Variants in GRK4 observed in about 807,000 individuals in gnomAD.
The protein encoded by GRK4 is G protein-coupled receptor kinase 2-like.
A neutral mutation model predicts 77.9 loss-of-function variants in GRK4; 73 were observed. The ratio of observed to expected loss-of-function variants is 0.94; its 90% CI spans 0.78 to 1.14. The LOEUF is 1.14. Among genes scored for constraint, GRK4 ranks in the 50% most tolerant of loss-of-function variants. GRK4 has a pLI of 0.00. For missense variants in GRK4, 729 were observed against 700.2 expected, an observed-to-expected ratio of 1.04 and a Z score of -0.46; for synonymous variants, 257 against 254.4, an observed-to-expected ratio of 1.01 and a Z score of -0.10.
At chr4:2,972,616 T>C (rs554457260) in intron 1 of GRK4, among the ~76,000 whole-genome samples, 72 of 152,068 alleles carry the variant, frequency 4.7e-4, no homozygotes, top group Non-Finnish European at 7.4e-4. Flanking sequence ...GTAGCTGCAG[T>C]GTGCAGTGTG....
intron 8 of GRK4, among the ~76,000 whole-genome samples, chr4:3,018,984 T>G (rs1735310006): frequency 1.3e-5 from 2 of 152,132 alleles, no homozygotes; most frequent in African/African-American, 4.8e-5. Context: ...GATCTGTAGA[T>G]TAAATGAATT....
intron 4 of GRK4, among the ~76,000 whole-genome samples, chr4:3,000,804 G>A (rs1382634718): frequency 6.6e-6 from 1 of 151,790 alleles, no homozygotes; most frequent in Non-Finnish European, 1.5e-5. Context: ...TCTTGACCTC[G>A]TGATCTGCCC....
intron 7 of GRK4, among the ~76,000 whole-genome samples, chr4:3,012,636 G>A (rs1443044207): frequency 1.3e-5 from 2 of 152,178 alleles, no homozygotes; most frequent in African/African-American, 4.8e-5. Flanking sequence ...AGAAACAGCA[G>A]CCTAATGTTG....
intron 12 of GRK4, among the ~76,000 whole-genome samples, chr4:3,031,280 T>C (rs1256901899): frequency 6.6e-6 from 1 of 152,126 alleles, no homozygotes; most frequent in East Asian, 1.9e-4. Flanking sequence ...GGAGCTTCTT[T>C]TTCTCAGATG....
In GRK4 at chr4:3,040,626, G is replaced by C. The variant is rs368696347; in HGVS notation, c.*1G>C. On this transcript the variant is annotated 3_prime_UTR_variant, in exon 16 of 16. Transcript: ENST00000398052. ...GGAAGTGGAACCCAAGCAATGCTGA[G>C]CACCCCGGTGCGGACCACAGAGCAG... 2.2e-4 allele frequency: 348 copies of C among 1,609,954 alleles called. 1 individual carries two copies. The highest frequency in any genetic ancestry group is 2.7e-4 in the Non-Finnish European group (317 of 1,178,394).
intron 10 of GRK4, among the ~76,000 whole-genome samples, chr4:3,025,450 C>T (rs1358470821): frequency 4.5e-5 from 6 of 133,308 alleles, no homozygotes; most frequent in South Asian, 4.8e-4. Context: ...TGTGCAGTGG[C>T]GTGATCTCGG....
At chr4:3,011,910 G>A (rs1056281673) in intron 7 of GRK4, among the ~76,000 whole-genome samples, 4 of 152,256 alleles carry the variant, frequency 2.6e-5, no homozygotes, top group African/African-American at 4.8e-5. Context: ...GCCACAGACT[G>A]TAGTGGAAAG....
At chr4:2,969,596 G>A (rs369814328) in intron 1 of GRK4, among the ~76,000 whole-genome samples, 7 of 151,670 alleles carry the variant, frequency 4.6e-5, no homozygotes, top group South Asian at 2.1e-4. Flanking sequence ...GGCTGGTCTC[G>A]AACTCCCAAC....
At chr4:3,040,124 C>A (rs1741984542) in intron 15 of GRK4, among the ~76,000 whole-genome samples, 1 of 152,134 alleles carries the variant, frequency 6.6e-6, no homozygotes, top group Admixed American at 6.6e-5. Flanking sequence ...GAAAATTTTT[C>A]AGGTTTTTGC....
intron 10 of GRK4, among the ~76,000 whole-genome samples, chr4:3,026,484 C>G (rs1173751705): frequency 6.6e-6 from 1 of 152,202 alleles, no homozygotes; most frequent in South Asian, 2.1e-4. Flanking sequence ...AATCCCAGCA[C>G]TTTGGGAGGC....
rs139992095 is a variant in GRK4 at position 2,986,140 on chromosome 4, C to G, written c.148+1532C>G. On this transcript the variant is annotated intron_variant, in intron 2 of 15. Coordinates refer to ENST00000398052, the MANE Select transcript of GRK4 (RefSeq NM_182982.3). ...CTGCCAAAAAGATTGTATCAATTTA[C>G]CTTTCTGTCAACAGTATGTAACAAA... Among the ~76,000 whole-genome samples the G allele has an allele frequency of 1.1e-3, 167 of 152,054 alleles. 1 individual carries two copies. The highest frequency in any genetic ancestry group is 3.5e-3 in the Admixed American group (54 of 15,278).
In GRK4 at chr4:2,964,074, G is replaced by T; in HGVS notation, c.4G>T (p.Glu2Ter). 1 of 1,609,468 alleles carries T rather than the reference G, an allele frequency of 6.2e-7. No individual in the cohort carries two copies. Among genetic ancestry groups the T allele is most frequent in the Non-Finnish European group, 8.5e-7 (1 of 1,179,142 alleles). M[E>*]LENIVANSLL... Reference sequence around the variant, plus strand: ...CCGGCGGCGGCGGCGCCAGGACATGGAGCTCGAGAACATCGTGGCCAACTC... The same window carrying T: ...CCGGCGGCGGCGGCGCCAGGACATGTAGCTCGAGAACATCGTGGCCAACTC... The change falls in exon 1 of 16, where the codon GAG becomes TAG. Residue 2 changes from glutamate to a stop codon, truncating the protein, a stop_gained. Transcript: ENST00000398052. LOFTEE classifies it high-confidence loss of function.
intron 1 of GRK4, among the ~76,000 whole-genome samples, chr4:2,978,828 C>T (rs1430467664): frequency 6.6e-6 from 1 of 152,190 alleles, no homozygotes; most frequent in African/African-American, 2.4e-5. Context: ...CACAGTGGCT[C>T]ATGCCTGTAA....
chr4:2,992,227 G>T lies in GRK4; in HGVS notation c.274G>T (p.Val92Phe). The part of the protein sequence containing the change: ...EFLDAVAEYE[V>F]ADDEDRSDCG... The stretch of plus-strand genomic sequence containing the variant: ...TCTCTCCAATCAGGCAGAATATGAA[G>T]TTGCCGATGATGAGGACCGAAGTGA... The change falls in exon 4 of 16, where the codon GTT (valine) becomes TTT (phenylalanine). Residue 92 changes from valine to phenylalanine, a missense_variant. Val to Phe is a conservative substitution (Grantham distance 50). Coordinates refer to ENST00000398052, the MANE Select transcript of GRK4 (RefSeq NM_182982.3). 1.2e-6 allele frequency: 2 copies of T among 1,608,976 alleles called. No individual in the cohort carries two copies. Among genetic ancestry groups the T allele is most frequent in the Non-Finnish European group, 1.7e-6 (2 of 1,175,614 alleles).
At chr4:3,009,575 C>T (rs1732296480) in intron 6 of GRK4, 73 bp from the exon 7 acceptor site, 8 of 1,122,318 alleles carry the variant, frequency 7.1e-6, no homozygotes, top group Admixed American at 3.5e-5. Flanking sequence ...CGAAGACAAG[C>T]GCTGAGTAAA....
In GRK4 at chr4:2,963,587, G is replaced by A. The variant is rs574775528; in HGVS notation, c.-484G>A. 1.3e-5 allele frequency: 6 copies of A among 448,412 alleles called. No homozygotes were observed. The highest frequency in any genetic ancestry group is 1.0e-4 in the African/African-American group (5 of 48,534). 27.8% of individuals were successfully genotyped at this position (448,412 alleles called of 1,614,324 possible). ...CTGGGAGCTGTAGTGCCCCGGCCGC[G>A]GCGGCGAGGGGCGCTCCCTCTTCAG... On this transcript the variant is annotated 5_prime_UTR_variant, in exon 1 of 16. Coordinates refer to ENST00000398052, the MANE Select transcript of GRK4 (RefSeq NM_182982.3).
At chr4:2,967,811 T>C (rs1270392231) in intron 1 of GRK4, among the ~76,000 whole-genome samples, 1 of 151,282 alleles carries the variant, frequency 6.6e-6, no homozygotes, top group African/African-American at 2.4e-5. Flanking sequence ...TGAGGCGTCG[T>C]TTTGCTCTTG....
chr4:2,980,845 A>G (rs1480025476), intron 1 of GRK4, among the ~76,000 whole-genome samples: 1 of 152,084 alleles, frequency 6.6e-6, no homozygotes, highest in Non-Finnish European at 1.5e-5. Flanking sequence ...CCTTCCACCC[A>G]CTTGGCCTGG....
Position 3,034,975 on chromosome 4 carries a change from C to G in GRK4, c.1270-411C>G, listed in dbSNP as rs569368202. Reference sequence around the variant, plus strand: ...ATGCTTGGAAATTATTTGTTAGATGCAGCTGGGCGCGGTGGCTCACGACTG... The same window carrying G: ...ATGCTTGGAAATTATTTGTTAGATGGAGCTGGGCGCGGTGGCTCACGACTG... On this transcript the variant is annotated intron_variant, in intron 12 of 15. Coordinates refer to ENST00000398052, the MANE Select transcript of GRK4 (RefSeq NM_182982.3). Among the ~76,000 whole-genome samples the G allele has an allele frequency of 4.5e-4, 69 of 152,184 alleles. 1 individual carries two copies. Among genetic ancestry groups the G allele is most frequent in the African/African-American group, 1.6e-3 (66 of 41,518 alleles).
Sources: gnomAD v4.1 joint callset for allele counts (sites outside exome capture counted in the v4.1 genomes callset) on GRCh38, gnomAD v4.1.1 for gene constraint, MANE v1.5 for transcripts, NCBI Gene and HGNC (gene_info 2026-07-23, HGNC 2026-07-21) for gene names.